The following INO80 variants were observed in gnomAD, a reference collection of about 807,000 sequenced individuals.
INO80 encodes INO80 complex ATPase subunit, also known as chromatin-remodeling ATPase INO80.
In INO80, 20 loss-of-function variants were observed where a neutral mutation model predicts 203.4. The observed-to-expected ratio is 0.10, with a 90% CI of 0.07 to 0.14. INO80 has a LOEUF of 0.14. Among genes scored for constraint, INO80 ranks in the 10% least tolerant of loss-of-function variants. The pLI is 1.00. For synonymous variants in INO80, 726 were observed against 685.2 expected (o/e 1.06, Z -0.93); for missense variants, 1,419 against 1,914.4 (o/e 0.74, Z 4.83).
chr15:41,109,763 C>G (rs909534711), intron 1 of INO80, among the ~76,000 whole-genome samples: 4 of 151,898 alleles, frequency 2.6e-5, no homozygotes, highest in African/African-American at 4.8e-5. Context: ...GAAACCCCAT[C>G]TCTACTAAAA....
At chr15:41,080,019 A>G in intron 8 of INO80, 115 bp from the exon 9 acceptor site, 1 of 856,840 alleles carries the variant, frequency 1.2e-6, no homozygotes. Context: ...ATCCTTGACC[A>G]CATCTTTCTC....
At chr15:40,996,416 G>A (rs1346699117) in intron 29 of INO80, among the ~76,000 whole-genome samples, 1 of 152,074 alleles carries the variant, frequency 6.6e-6, no homozygotes, top group Non-Finnish European at 1.5e-5. Context: ...TCTGCCTCCC[G>A]GGTTCAAGCG....
At chr15:41,085,034 G>A (rs1277958959) in intron 7 of INO80, among the ~76,000 whole-genome samples, 1 of 152,152 alleles carries the variant, frequency 6.6e-6, no homozygotes, top group Admixed American at 6.5e-5. Context: ...GCCATGCCTG[G>A]CCTCTTTTTA....
chr15:41,088,310 G>C (rs970037918), intron 5 of INO80, among the ~76,000 whole-genome samples: 35 of 151,880 alleles, frequency 2.3e-4, no homozygotes, highest in African/African-American at 8.5e-4. Flanking sequence ...GGATGGTCTT[G>C]ATCTCCTGAC....
intron 19 of INO80, among the ~76,000 whole-genome samples, chr15:41,051,186 C>T (rs2044864630): frequency 6.7e-6 from 1 of 148,308 alleles, no homozygotes; most frequent in African/African-American, 2.5e-5. Flanking sequence ...GTCTGAGTTT[C>T]TCATCATCAT....
At chr15:41,038,455 T>TTC (rs911692830) in intron 24 of INO80, among the ~76,000 whole-genome samples, 8 of 152,190 alleles carry the variant, frequency 5.3e-5, no homozygotes, top group Non-Finnish European at 1.0e-4. Context: ...ACCAGGATCT[T>TTC]TCTCCCTAAA....
chr15:41,105,806 C>G (rs545318420), intron 1 of INO80, among the ~76,000 whole-genome samples: 1 of 152,224 alleles, frequency 6.6e-6, no homozygotes, highest in East Asian at 1.9e-4. Context: ...TCGACATAAC[C>G]CATTAACGTG....
At chr15:40,986,612 TC>T (rs550121601) in intron 31 of INO80, among the ~76,000 whole-genome samples, 274 of 151,254 alleles carry the variant, frequency 1.8e-3, no homozygotes, top group African/African-American at 6.1e-3. Context: ...GTGTGAGCCG[TC>T]TTGTGTTTTT....
intron 17 of INO80, 92 bp from the exon 18 acceptor site, chr15:41,055,456 G>T: frequency 1.5e-6 from 1 of 674,708 alleles, no homozygotes; most frequent in Non-Finnish European, 2.5e-6. Context: ...AGGTGTATTA[G>T]TGTGTAAGTG....
At chr15:41,097,086 T>C (rs1378829594) in intron 1 of INO80, among the ~76,000 whole-genome samples, 1 of 152,170 alleles carries the variant, frequency 6.6e-6, no homozygotes, top group Non-Finnish European at 1.5e-5. Context: ...TCCCACCACT[T>C]TCTTGTTTGT....
intron 24 of INO80, among the ~76,000 whole-genome samples, chr15:41,040,767 T>C (rs1204340392): frequency 2.0e-5 from 3 of 151,386 alleles, no homozygotes; most frequent in Non-Finnish European, 4.4e-5. Context: ...ACAGAACAAT[T>C]CAGATCCTGT....
At chr15:41,101,903 T>C (rs908540998) in intron 1 of INO80, among the ~76,000 whole-genome samples, 1 of 151,492 alleles carries the variant, frequency 6.6e-6, no homozygotes, top group Non-Finnish European at 1.5e-5. Context: ...AAGATATGAC[T>C]ATTTCTTGGC....
At chr15:41,094,928 AT>A (rs1566947010) in intron 4 of INO80, among the ~76,000 whole-genome samples, 2 of 152,062 alleles carry the variant, frequency 1.3e-5, no homozygotes, top group African/African-American at 4.8e-5. Context: ...GAAAAATATA[AT>A]TACCTTCAGA....
chr15:41,024,311 A>G (rs1407269316), intron 25 of INO80, among the ~76,000 whole-genome samples: 2 of 152,210 alleles, frequency 1.3e-5, no homozygotes, highest in East Asian at 1.9e-4. Context: ...AAAGAGGGCA[A>G]AAATGTCCAA....
intron 28 of INO80, among the ~76,000 whole-genome samples, chr15:41,002,205 TA>T (rs984791253): frequency 1.3e-5 from 2 of 152,198 alleles, no homozygotes; most frequent in Admixed American, 1.3e-4. Flanking sequence ...GTTACCTAAG[TA>T]ATTCTAAGTT....
In INO80 at chr15:41,053,952, C is replaced by T. The variant is rs756213905; in HGVS notation, c.2251G>A (p.Val751Met). ...ACCTTGTCAGATAATTCATTTTCCACATCTTTCTTGATTCTCCTCAGCATA... is the reference window on the plus strand; with the variant it reads ...ACCTTGTCAGATAATTCATTTTCCATATCTTTCTTGATTCTCCTCAGCATA... ...PFMLRRIKKD[V>M]ENELSDKIEI... Residue 751 changes from valine to methionine, a missense_variant, in exon 19 of 36, where the codon GTG (valine) becomes ATG (methionine). Physicochemically the swap from Val to Met is conservative, Grantham distance 21. This residue lies in a region of INO80 where 192 missense variants were observed against 406.7 expected (regional missense o/e 0.47). Coordinates refer to ENST00000648947, the MANE Select transcript of INO80 (RefSeq NM_017553.3). The T allele has an allele frequency of 2.5e-6, 4 of 1,613,774 alleles. No homozygotes were observed. Among genetic ancestry groups the T allele is most frequent in the Non-Finnish European group, 3.4e-6 (4 of 1,179,830 alleles).
rs1389446325 is a variant in INO80 at position 41,040,251 on chromosome 15, A to G, written c.2907+4653T>C. On this transcript the variant is annotated intron_variant, in intron 24 of 35. Coordinates refer to ENST00000648947, the MANE Select transcript of INO80 (RefSeq NM_017553.3). ...CCAATTCTAAAATTTACATGAATAC[A>G]CGAAGGGCTAAGAACAGCCAAAACA... is the stretch of plus-strand genomic sequence containing the variant. Among the ~76,000 whole-genome samples, 4 of 152,216 alleles carry G rather than the reference A, an allele frequency of 2.6e-5. 1 individual carries two copies. In the South Asian group the frequency reaches 6.2e-4, roughly 24 times the overall value.
chr15:41,027,841 C>T, intron 24 of INO80, 105 bp from the exon 25 acceptor site: 1 of 777,886 alleles, frequency 1.3e-6, no homozygotes, highest in African/African-American at 1.8e-5. Context: ...GAGCTTTCTT[C>T]CCTGTAAATA....
intron 25 of INO80, chr15:41,023,159 T>C (rs12148744): frequency 0.12 from 43,396 of 371,570 alleles, 3,084 homozygotes; most frequent in South Asian, 0.21. Context: ...TTCCAACTTA[T>C]TCATTTTTCC....
Sources: allele counts gnomAD v4.1 joint callset (sites outside exome capture counted in the v4.1 genomes callset), GRCh38; gene constraint gnomAD v4.1.1; regional missense constraint gnomAD v4.1.1; transcripts MANE v1.5; gene names NCBI Gene and HGNC (gene_info 2026-07-23, HGNC 2026-07-21).